C10orf90: variants seen among roughly 807,000 people sequenced by gnomAD.
C10orf90 encodes the protein (E2-independent) E3 ubiquitin-conjugating enzyme FATS.
C10orf90 carries 56 observed loss-of-function variants against 62.5 expected under a neutral mutation model. That is an observed-to-expected ratio of 0.90 (90% CI 0.72 to 1.12). The LOEUF is 1.12. Ranked by LOEUF, C10orf90 falls within the 50% of genes most tolerant of loss-of-function variation. The pLI, the probability that C10orf90 is intolerant of heterozygous loss-of-function variation, is 0.00. For missense variants in C10orf90, 970 were observed against 880.4 expected (o/e 1.10, Z -1.29); for synonymous variants, 386 against 340.4 (o/e 1.13, Z -1.47).
At chr10:126,630,065 G>A (rs1049164618) in intron 2 of C10orf90, among the ~76,000 whole-genome samples, 3 of 152,110 alleles carry the variant, frequency 2.0e-5, no homozygotes, top group South Asian at 2.1e-4. Flanking sequence ...TAAAAATAGC[G>A]GCTGCCTGTG....
Position 126,453,268 on chromosome 10 carries a change from C to T in C10orf90, c.2188+5772G>A, listed in dbSNP as rs959239450. 2.0e-5 allele frequency among the ~76,000 whole-genome samples: 3 copies of T among 152,182 alleles called. No homozygotes were observed. The highest frequency in any genetic ancestry group is 4.4e-5 in the Non-Finnish European group (3 of 68,038). On this transcript the variant is annotated intron_variant, in intron 7 of 9. Coordinates refer to ENST00000488181, the MANE Select transcript of C10orf90 (RefSeq NM_001350921.2). The surrounding 1 kb of genome is among the most constrained non-coding windows in gnomAD (Gnocchi z 4.9). ...CTGTGCTAGATGCAGCAGGGCCTCT[C>T]GCAGTGATTTGGTGTGGAGTATGCC...
At chr10:126,661,528 T>C (rs1317370841) in intron 1 of C10orf90, among the ~76,000 whole-genome samples, 2 of 152,178 alleles carry the variant, frequency 1.3e-5, no homozygotes, top group Non-Finnish European at 2.9e-5. Flanking sequence ...CTCCCTTGGT[T>C]TGGCTGAAAT....
intron 3 of C10orf90, among the ~76,000 whole-genome samples, chr10:126,509,869 G>C (rs545823714): frequency 5.1e-4 from 78 of 152,232 alleles, no homozygotes; most frequent in African/African-American, 1.7e-3. Flanking sequence ...GTTTGCCAGG[G>C]CTACCATAGC....
At chr10:126,512,023 G>C (rs184107987) in intron 3 of C10orf90, 1 of 151,602 alleles carries the variant, frequency 6.6e-6, no homozygotes, top group Non-Finnish European at 1.5e-5. Context: ...GGAGACTTAC[G>C]GCAGCCACAG....
At chr10:126,497,033 G>A (rs1225855101) in intron 4 of C10orf90, among the ~76,000 whole-genome samples, 1 of 152,232 alleles carries the variant, frequency 6.6e-6, no homozygotes, top group East Asian at 1.9e-4. Flanking sequence ...TGAGTTATGT[G>A]TCACCATCGC....
At chr10:126,458,990 AC>A in intron 7 of C10orf90, 49 bp downstream of exon 7, 1 of 1,564,336 alleles carries the variant, frequency 6.4e-7, no homozygotes, top group Non-Finnish European at 8.6e-7. Flanking sequence ...AGCTCCAGGA[AC>A]CCCCCATCCC....
chr10:126,490,061 A>T lies in C10orf90; in HGVS notation c.1534+13896T>A, dbSNP rs1353387128. On this transcript the variant is annotated intron_variant, in intron 4 of 9. Coordinates refer to ENST00000488181, the MANE Select transcript of C10orf90 (RefSeq NM_001350921.2). ...ATATATATTATATATTATGTTATAT[A>T]ATATATAATATATAATATAATAATA... is the stretch of plus-strand genomic sequence containing the variant. 1.4e-3 allele frequency among the ~76,000 whole-genome samples: 167 copies of T among 118,840 alleles called. 1 individual carries two copies. Among genetic ancestry groups the T allele is most frequent in the Middle Eastern group, 7.8e-3 (2 of 258 alleles). 78.0% of individuals were successfully genotyped at this position (118,840 alleles called of 152,430 possible). A position where few individuals can be genotyped will look rare whatever the true frequency, so the allele number is the denominator to read the frequency against.
intron 2 of C10orf90, among the ~76,000 whole-genome samples, chr10:126,576,717 A>ATATATATGTATATGT (rs1354426352): frequency 0.035 from 1,426 of 40,732 alleles, 255 homozygotes; most frequent in Non-Finnish European, 0.05. Context: ...ATATATATAC[A>ATATATATGTATATGT]AGATATACAT....
At chr10:126,521,140 C>CTGT (rs1863721217) in intron 2 of C10orf90, among the ~76,000 whole-genome samples, 13 of 152,328 alleles carry the variant, frequency 8.5e-5, no homozygotes, top group Admixed American at 3.9e-4. Context: ...CTGAGTGTCT[C>CTGT]CCCAAGTTGG....
At chr10:126,513,085 G>A (rs1863229349) in intron 3 of C10orf90, among the ~76,000 whole-genome samples, 2 of 152,200 alleles carry the variant, frequency 1.3e-5, no homozygotes, top group African/African-American at 2.4e-5. Flanking sequence ...ATCTGTGACA[G>A]ATAGCAGATG....
At chr10:126,487,430 A>G (rs1177179013) in intron 4 of C10orf90, among the ~76,000 whole-genome samples, 1 of 152,160 alleles carries the variant, frequency 6.6e-6, no homozygotes, top group Non-Finnish European at 1.5e-5. Context: ...TGAAGGTATA[A>G]TAGTTAGACA....
chr10:126,645,359 G>A (rs1293066259), intron 2 of C10orf90, among the ~76,000 whole-genome samples: 1 of 151,598 alleles, frequency 6.6e-6, no homozygotes, highest in Non-Finnish European at 1.5e-5. Flanking sequence ...CTTGAGCCCA[G>A]GAGTTTGAGA....
chr10:126,509,705 T>C (rs575018648), intron 3 of C10orf90, among the ~76,000 whole-genome samples: 73 of 152,256 alleles, frequency 4.8e-4, no homozygotes, highest in African/African-American at 1.4e-3. Context: ...AACAACAAAC[T>C]CGGAGATATT....
intron 3 of C10orf90, among the ~76,000 whole-genome samples, chr10:126,509,340 C>T (rs893266003): frequency 1.3e-5 from 2 of 152,282 alleles, no homozygotes; most frequent in African/African-American, 4.8e-5. Context: ...TTCTCCAGTA[C>T]TCTTCCCATG....
At chr10:126,550,591 C>A (rs1047930746) in intron 2 of C10orf90, among the ~76,000 whole-genome samples, 1 of 152,088 alleles carries the variant, frequency 6.6e-6, no homozygotes, top group African/African-American at 2.4e-5. Context: ...CTCACTGCAA[C>A]CTCCGCCTCC....
chr10:126,441,929 C>T (rs1858355562), intron 7 of C10orf90, among the ~76,000 whole-genome samples: 1 of 152,056 alleles, frequency 6.6e-6, no homozygotes, highest in Admixed American at 6.6e-5. Context: ...AACAGAACCT[C>T]TTTAAAGCAT....
rs147172496 is a variant in C10orf90, at chr10:126,604,555, C to T, written c.313+42010G>A. ...AGATAATCTGTAAGACACAGAAATG[C>T]AAATGTGGACGTGGTCTCTTCCCCT... On this transcript the variant is annotated intron_variant, in intron 2 of 9. Coordinates refer to ENST00000488181, the MANE Select transcript of C10orf90 (RefSeq NM_001350921.2). Among the ~76,000 whole-genome samples the T allele has an allele frequency of 3.0e-3, 463 of 152,290 alleles. 4 individuals carry two copies. Among genetic ancestry groups the T allele is most frequent in the African/African-American group, 0.011 (437 of 41,568 alleles).
At chr10:126,458,843 C>A (rs905680323) in intron 7 of C10orf90, among the ~76,000 whole-genome samples, 197 bp downstream of exon 7, 6 of 152,176 alleles carry the variant, frequency 3.9e-5, no homozygotes, top group Admixed American at 2.0e-4. Flanking sequence ...GAGCTCAATG[C>A]CCATATGTGA....
At chr10:126,553,749 C>A (rs893143990) in intron 2 of C10orf90, among the ~76,000 whole-genome samples, 1 of 152,088 alleles carries the variant, frequency 6.6e-6, no homozygotes, top group African/African-American at 2.4e-5. Flanking sequence ...TATGATAGTT[C>A]CGCAGTGATG....
Sources: allele counts gnomAD v4.1 joint callset (sites outside exome capture counted in the v4.1 genomes callset), GRCh38; gene constraint gnomAD v4.1.1; non-coding constraint Gnocchi (gnomAD v3.1); transcripts MANE v1.5; gene names NCBI Gene and HGNC (gene_info 2026-07-23, HGNC 2026-07-21).